SREK1: variants seen among roughly 807,000 people sequenced by gnomAD.
SREK1 encodes splicing regulatory glutamic acid and lysine rich protein 1, also known as splicing regulatory glutamine/lysine-rich protein 1.
Under a neutral mutation model 66.5 loss-of-function variants are expected in SREK1, and 13 were observed. The ratio of observed to expected loss-of-function variants is 0.20; its 90% CI spans 0.13 to 0.31. The LOEUF (loss-of-function observed/expected upper bound fraction) is 0.31. Among genes scored for constraint, SREK1 ranks in the 10% least tolerant of loss-of-function variants. The pLI is 1.00. For missense variants in SREK1, 607 were observed against 769.6 expected (o/e 0.79, Z 2.50); for synonymous variants, 265 against 263.5 (o/e 1.01, Z -0.05).
chr5:66,158,264 T>A (rs1744457608), intron 2 of SREK1: 2 of 152,094 alleles, frequency 1.3e-5, no homozygotes, highest in Non-Finnish European at 2.9e-5. Context: ...TGTAGGGAGT[T>A]TTTTTCCTAC....
intron 2 of SREK1, chr5:66,156,094 A>G (rs1020774070): frequency 6.6e-7 from 1 of 1,519,158 alleles, no homozygotes; most frequent in Non-Finnish European, 8.8e-7. Context: ...CAGACCTGTT[A>G]CACTTGCCTG....
chr5:66,144,852 T>C (rs1580604190), intron 1 of SREK1: 2 of 1,058,380 alleles, frequency 1.9e-6, no homozygotes, highest in South Asian at 3.7e-5. Context: ...CCCCCGAACT[T>C]AAGATGGCCG....
intron 11 of SREK1, 44 bp downstream of exon 11, chr5:66,177,702 T>C: frequency 6.5e-7 from 1 of 1,538,704 alleles, no homozygotes; most frequent in South Asian, 1.3e-5. Flanking sequence ...AATGGTTCTT[T>C]ATTGCATACA....
At chr5:66,144,617 A>G (rs1742987734) in intron 1 of SREK1, 80 bp downstream of exon 1, 5 of 1,468,232 alleles carry the variant, frequency 3.4e-6, no homozygotes, top group East Asian at 5.0e-5. Context: ...GAGAGCGCGG[A>G]CGCGGGCGCG....
In SREK1 at chr5:66,181,878, T is replaced by C. The variant is rs1746515530; in HGVS notation, c.*3010T>C. The C allele has an allele frequency of 7.5e-6, 1 of 133,500 alleles. No homozygotes were observed. The highest frequency in any genetic ancestry group is 1.6e-5 in the Non-Finnish European group (1 of 63,380). The allele number at this position is 133,500 out of a possible 1,614,324, so 8.3% of individuals were successfully genotyped here. Reference sequence around the variant, plus strand: ...TCAATTAAAAATAAACACTGGCGTTTATAATGAAAAGGTTTTTTTGTCGGG... The same window carrying C: ...TCAATTAAAAATAAACACTGGCGTTCATAATGAAAAGGTTTTTTTGTCGGG... On this transcript the variant is annotated 3_prime_UTR_variant, in exon 12 of 12. Coordinates refer to ENST00000334121, the MANE Select transcript of SREK1 (RefSeq NM_001077199.3).
chr5:66,164,482 A>T, intron 6 of SREK1: 1 of 929,824 alleles, frequency 1.1e-6, no homozygotes, highest in Non-Finnish European at 1.5e-6. Flanking sequence ...CTAGCAGAAT[A>T]AGTGGAGAAA....
chr5:66,172,933 G>A (rs965694153), intron 9 of SREK1, among the ~76,000 whole-genome samples: 2 of 148,940 alleles, frequency 1.3e-5, no homozygotes, highest in East Asian at 2.0e-4. Context: ...TGGGTTCAGC[G>A]ATTCTCCTGC....
At chr5:66,178,534 A>G (rs1746252388) in intron 11 of SREK1, among the ~76,000 whole-genome samples, 185 bp from the exon 12 acceptor site, 1 of 152,108 alleles carries the variant, frequency 6.6e-6, no homozygotes, top group African/African-American at 2.4e-5. Context: ...TGGATTGTCC[A>G]TCTTTTATGA....
rs1746337791 is a variant in SREK1 at position 66,179,481 on chromosome 5, T to C, written c.*613T>C. The stretch of plus-strand genomic sequence containing the variant: ...GTTTTGCAGATTAAAATTGCTTAAA[T>C]AAGTGGATTAAAAAACTGACAATGC... On this transcript the variant is annotated 3_prime_UTR_variant, in exon 12 of 12. Coordinates refer to ENST00000334121, the MANE Select transcript of SREK1 (RefSeq NM_001077199.3). 6.6e-6 allele frequency: 1 copy of C among 152,512 alleles called. No homozygotes were observed. The highest frequency in any genetic ancestry group is 6.6e-5 in the Admixed American group (1 of 15,250). 9.4% of individuals were successfully genotyped at this position (152,512 alleles called of 1,614,324 possible).
intron 1 of SREK1, chr5:66,144,914 C>T: frequency 1.0e-6 from 1 of 996,708 alleles, no homozygotes; most frequent in Middle Eastern, 5.1e-4. Flanking sequence ...CGTTTTTCCA[C>T]TCTGAAAATC....
At chr5:66,173,930 T>C (rs537794857) in intron 9 of SREK1, among the ~76,000 whole-genome samples, 41 of 152,326 alleles carry the variant, frequency 2.7e-4, no homozygotes, top group African/African-American at 9.4e-4. Flanking sequence ...AGAATTGAGT[T>C]GTGTTCTCAG....
In SREK1 at chr5:66,164,911, C is replaced by T; in HGVS notation, c.1001+14C>T. On this transcript the variant is annotated intron_variant, in intron 7 of 11. Transcript: ENST00000334121. The stretch of plus-strand genomic sequence containing the variant: ...ATCAAAACACAGGTGAGAATTTCTG[C>T]TGTCATATTTAAATTTTATTTTAGT... The T allele has an allele frequency of 6.3e-7, 1 of 1,593,138 alleles. No homozygotes were observed. Among genetic ancestry groups the T allele is most frequent in the East Asian group, 2.2e-5 (1 of 44,712 alleles).
chr5:66,163,484 G>C (rs1300679056), intron 5 of SREK1: 1 of 214,340 alleles, frequency 4.7e-6, no homozygotes, highest in Non-Finnish European at 9.5e-6. Context: ...TTTCATATTG[G>C]TATCAACATT....
At chr5:66,151,254 T>G (rs550722067) in intron 1 of SREK1, among the ~76,000 whole-genome samples, 1 of 152,216 alleles carries the variant, frequency 6.6e-6, no homozygotes, top group East Asian at 1.9e-4. Flanking sequence ...TGCCAGTCGT[T>G]GTGGTGGAGG....
chr5:66,164,958 TTTTATGAG>T, intron 7 of SREK1, 61 bp downstream of exon 7: 8 of 1,467,332 alleles, frequency 5.5e-6, no homozygotes, highest in Non-Finnish European at 7.3e-6. Flanking sequence ...AATATTAAGA[TTTTATGAG>T]TTTTCGTCAA....
intron 5 of SREK1, 197 bp from the exon 6 acceptor site, chr5:66,163,595 G>A (rs1205369638): frequency 4.7e-6 from 2 of 426,076 alleles, no homozygotes; most frequent in South Asian, 5.9e-5. Flanking sequence ...GCTTTTGGTT[G>A]TATTCGCAAG....
At position 66,175,026 on chromosome 5, in the gene SREK1, C is replaced by T. The variant is rs1308737793; in HGVS notation, c.1565C>T (p.Ser522Phe). The change falls in exon 10 of 12, where the codon TCT becomes TTT. Residue 522 changes from serine to phenylalanine, a missense_variant. Transcript: ENST00000334121. Reference sequence around the variant, plus strand: ...ACCATAAAAAGGAAATCTTCTAGATCTCCGTCCCCCAGGAGGTAGGTTGGG... The same window carrying T: ...ACCATAAAAAGGAAATCTTCTAGATTTCCGTCCCCCAGGAGGTAGGTTGGG... ...SKTIKRKSSR[S>F]PSPRSRNKKD... The T allele has an allele frequency of 4.3e-6, 7 of 1,611,718 alleles. No individual in the cohort carries two copies. The highest frequency in any genetic ancestry group is 1.3e-5 in the African/African-American group (1 of 74,888).
Position 66,144,314 on chromosome 5 carries a change from C to G in SREK1, c.-63C>G, listed in dbSNP as rs779865082. ...CGCGGCCGCGCGTTCTCCGCTTTCC[C>G]GGCTCCGTCGCTGACGCGTCGTAGA... On this transcript the variant is annotated 5_prime_UTR_variant, in exon 1 of 12. Transcript: ENST00000334121. 2.1e-5 allele frequency: 29 copies of G among 1,351,350 alleles called. No homozygotes were observed. Among genetic ancestry groups the G allele is most frequent in the Non-Finnish European group, 2.7e-5 (27 of 999,358 alleles). The allele number at this position is 1,351,350 out of a possible 1,614,324, so 83.7% of individuals were successfully genotyped here. A position where few individuals can be genotyped will look rare whatever the true frequency, so the allele number is the denominator to read the frequency against.
chr5:66,149,307 G>A (rs950901345), intron 1 of SREK1, among the ~76,000 whole-genome samples: 2 of 151,866 alleles, frequency 1.3e-5, no homozygotes, highest in African/African-American at 2.4e-5. Flanking sequence ...CCGGGATCCC[G>A]CCATTGCACT....
Sources: gnomAD v4.1 joint callset for allele counts (sites outside exome capture counted in the v4.1 genomes callset) on GRCh38, gnomAD v4.1.1 for gene constraint, MANE v1.5 for transcripts, NCBI Gene and HGNC (gene_info 2026-07-23, HGNC 2026-07-21) for gene names.